Variants in CADM2 observed in about 807,000 individuals in gnomAD.
The protein encoded by CADM2 is cell adhesion molecule 2.
In CADM2, 12 loss-of-function variants were observed where a neutral mutation model predicts 49.8. The ratio of observed to expected loss-of-function variants is 0.24; its 90% CI spans 0.15 to 0.39. CADM2 has a LOEUF of 0.39. Ranked by LOEUF, CADM2 falls within the 10% of genes least tolerant of loss-of-function variation. The pLI is 1.00. For missense variants in CADM2, 378 were observed against 492.3 expected, an observed-to-expected ratio of 0.77 and a Z score of 2.20; for synonymous variants, 214 against 175.4, an observed-to-expected ratio of 1.22 and a Z score of -1.74.
chr3:85,591,576 G>A (rs151086787), intron 1 of CADM2, among the ~76,000 whole-genome samples: 1 of 152,062 alleles, frequency 6.6e-6, no homozygotes, highest in African/African-American at 2.4e-5. Flanking sequence ...ACAAGGGAAT[G>A]TTTTCACTTT....
At chr3:85,326,059 C>T (rs752844312) in intron 1 of CADM2, among the ~76,000 whole-genome samples, 1 of 152,100 alleles carries the variant, frequency 6.6e-6, no homozygotes, top group Admixed American at 6.6e-5. Context: ...GAATGATACA[C>T]GATGTCCTCT....
rs1577650730 is a variant in CADM2, at chr3:85,915,030, A to G, written c.700+2487A>G. On this transcript the variant is annotated intron_variant, in intron 6 of 9. Transcript: ENST00000383699. ...TTGTGTTATTCCACGCCACAGTCACAGACTACCTTTATTTGATTACTCTAC... is the reference window on the plus strand; with the variant it reads ...TTGTGTTATTCCACGCCACAGTCACGGACTACCTTTATTTGATTACTCTAC... Among the ~76,000 whole-genome samples the G allele has an allele frequency of 1.3e-5, 2 of 152,278 alleles. 1 individual carries two copies. The highest frequency in any genetic ancestry group is 3.9e-4 in the East Asian group (2 of 5,184).
intron 1 of CADM2, among the ~76,000 whole-genome samples, chr3:85,554,887 T>TA (rs1298503822): frequency 5.0e-5 from 6 of 120,502 alleles, no homozygotes; most frequent in African/African-American, 1.1e-4. Context: ...TTTTTATTTT[T>TA]TTTTTTTTTG....
intron 1 of CADM2, among the ~76,000 whole-genome samples, chr3:85,299,601 G>T (rs903672703): frequency 6.6e-6 from 1 of 152,040 alleles, no homozygotes; most frequent in Non-Finnish European, 1.5e-5. Flanking sequence ...TCCCCCTTGT[G>T]CTGGGGACTC....
At chr3:85,830,514 GC>G (rs1269145107) in intron 3 of CADM2, among the ~76,000 whole-genome samples, 2 of 151,772 alleles carry the variant, frequency 1.3e-5, no homozygotes, top group Non-Finnish European at 2.9e-5. Context: ...CTGTGCAAAA[GC>G]TTTTTAGTTT....
intron 2 of CADM2, among the ~76,000 whole-genome samples, chr3:85,794,558 G>A (rs1210186970): frequency 6.6e-6 from 1 of 152,098 alleles, no homozygotes; most frequent in Non-Finnish European, 1.5e-5. Flanking sequence ...TGGAAAAGTA[G>A]CCAGCTTCTA....
intron 2 of CADM2, among the ~76,000 whole-genome samples, chr3:85,777,580 T>C (rs1385130587): frequency 6.6e-6 from 1 of 152,140 alleles, no homozygotes; most frequent in African/African-American, 2.4e-5. Context: ...CAGGTTTTCA[T>C]GGTTGGTTCT....
At chr3:85,529,495 A>G (rs2061246363) in intron 1 of CADM2, among the ~76,000 whole-genome samples, 1 of 152,186 alleles carries the variant, frequency 6.6e-6, no homozygotes, top group Non-Finnish European at 1.5e-5. Context: ...CTCTTTTAGT[A>G]TACTCACTAT....
intron 1 of CADM2, among the ~76,000 whole-genome samples, chr3:85,690,659 T>C (rs1012606825): frequency 5.9e-5 from 9 of 152,136 alleles, no homozygotes; most frequent in South Asian, 2.1e-4. Context: ...ATAAGGTACA[T>C]AGTTCATGTT....
rs888900195 is a variant in CADM2 at position 85,107,473 on chromosome 3, C to T, written c.61+147805C>T. 1.2e-4 allele frequency among the ~76,000 whole-genome samples: 18 copies of T among 152,016 alleles called. 1 individual carries two copies. The highest frequency in any genetic ancestry group is 3.4e-3 in the Middle Eastern group (1 of 294). On this transcript the variant is annotated intron_variant, in intron 1 of 9. Coordinates refer to ENST00000383699, the MANE Select transcript of CADM2 (RefSeq NM_001167675.2). ...AACATAAAATAACAAGTGTTGGTGA[C>T]GAAGGCAAAAAATTAGGTCCCTTAA...
At chr3:85,372,485 A>T (rs139199519) in intron 1 of CADM2, among the ~76,000 whole-genome samples, 2 of 150,982 alleles carry the variant, frequency 1.3e-5, no homozygotes, top group Middle Eastern at 3.5e-3. Context: ...TATGAATTTT[A>T]TTTATATATT....
chr3:85,898,578 T>G (rs1055844169), intron 5 of CADM2, among the ~76,000 whole-genome samples: 7 of 151,760 alleles, frequency 4.6e-5, no homozygotes, highest in Admixed American at 4.6e-4. Flanking sequence ...TCTTTCTTTT[T>G]TTTTTTTTGA....
At chr3:85,982,828 C>A (rs9875386) in intron 8 of CADM2, among the ~76,000 whole-genome samples, 105,430 of 151,484 alleles carry the variant, frequency 0.7, 38,355 homozygotes, top group African/African-American at 0.92. Context: ...ATATTGCCTA[C>A]GAAAAGCTGA....
intron 1 of CADM2, among the ~76,000 whole-genome samples, chr3:85,407,749 G>A (rs1157501459): frequency 6.6e-6 from 1 of 152,122 alleles, no homozygotes; most frequent in Admixed American, 6.6e-5. Context: ...TTGAGAGGCT[G>A]ACTTAGGAAG....
chr3:85,895,260 A>T (rs115732306), intron 5 of CADM2, among the ~76,000 whole-genome samples: 2 of 152,336 alleles, frequency 1.3e-5, no homozygotes, highest in African/African-American at 4.8e-5. Context: ...CACCTCTTGC[A>T]TCAGTGCGAC....
chr3:85,527,305 GA>G (rs1284589385), intron 1 of CADM2, among the ~76,000 whole-genome samples: 1 of 151,274 alleles, frequency 6.6e-6, no homozygotes, highest in Non-Finnish European at 1.5e-5. Context: ...AGGCTTATTT[GA>G]GACCAGGAGT....
intron 8 of CADM2, among the ~76,000 whole-genome samples, chr3:85,999,598 A>T (rs1729899839): frequency 2.8e-5 from 4 of 144,174 alleles, no homozygotes; most frequent in African/African-American, 1.0e-4. Context: ...AGGGAGAGGG[A>T]GGGAGGGAAA....
chr3:86,055,473 T>TG (rs1375251215), intron 8 of CADM2, among the ~76,000 whole-genome samples: 119 of 127,026 alleles, frequency 9.4e-4, no homozygotes, highest in Non-Finnish European at 1.7e-3. Flanking sequence ...TTTTTTTTTT[T>TG]TTTTTTGGTT....
chr3:86,051,951 T>A (rs1045969766), intron 8 of CADM2, among the ~76,000 whole-genome samples: 3 of 150,104 alleles, frequency 2.0e-5, no homozygotes, highest in South Asian at 2.1e-4. Flanking sequence ...CAGATCTAAA[T>A]CATATCAGTG....
Sources: gnomAD v4.1 joint callset for allele counts (sites outside exome capture counted in the v4.1 genomes callset) on GRCh38, gnomAD v4.1.1 for gene constraint, MANE v1.5 for transcripts, NCBI Gene and HGNC (gene_info 2026-07-23, HGNC 2026-07-21) for gene names.